Variants in ANAPC1 observed in about 807,000 individuals in gnomAD.
ANAPC1 encodes anaphase promoting complex subunit 1.
Under a neutral mutation model 208.0 loss-of-function variants are expected in ANAPC1, and 36 were observed. The observed-to-expected ratio is 0.17, with a 90% confidence interval of 0.13 to 0.23. The LOEUF is 0.23. ANAPC1 is among the 10% of genes least tolerant of loss of function. The probability of loss-of-function intolerance (pLI) is 1.00; values close to 1 mark genes in which losing one functional copy is unlikely to be tolerated. For synonymous variants in ANAPC1, 378 were observed against 695.2 expected, an observed-to-expected ratio of 0.54 and a Z score of 7.18; for missense variants, 942 against 2,011.6, an observed-to-expected ratio of 0.47 and a Z score of 10.17.
In ANAPC1 at chr2:111,794,850, C is replaced by T. The variant is rs56780932; in HGVS notation, c.4341G>A (p.Pro1447=). 305,491 of 1,516,528 alleles carry T rather than the reference C, an allele frequency of 0.2. 25,999 individuals are homozygous for T. The highest frequency in any genetic ancestry group is 0.26 in the Middle Eastern group (1,512 of 5,714). 93.9% of individuals were successfully genotyped at this position (1,516,528 alleles called of 1,614,324 possible). The change falls in exon 35 of 48, where the codon CCG becomes CCA. Residue 1447 remains proline, a synonymous_variant. Coordinates refer to ENST00000341068, the MANE Select transcript of ANAPC1 (RefSeq NM_022662.4). ...NSISLSEIEL[P]CSEDLNLETL... The stretch of plus-strand genomic sequence containing the variant: ...TTTCCAAATTCAAATCCTCTGAGCA[C>T]GGCAATTCGATTTCACTGAGAGAGA...
intron 38 of ANAPC1, among the ~76,000 whole-genome samples, chr2:111,791,480 T>C (rs1205986922): frequency 1.3e-5 from 2 of 151,636 alleles, no homozygotes; most frequent in Non-Finnish European, 2.9e-5. Flanking sequence ...AACAGCACTG[T>C]TCATAACAGC....
chr2:111,808,393 G>T (rs1001506709), intron 29 of ANAPC1, among the ~76,000 whole-genome samples: 1 of 152,088 alleles, frequency 6.6e-6, no homozygotes, highest in African/African-American at 2.4e-5. Flanking sequence ...TTTCCAAAAA[G>T]TTTGGACCCA....
At chr2:111,794,211 A>T in intron 36 of ANAPC1, 22 bp downstream of exon 36, 2 of 1,589,040 alleles carry the variant, frequency 1.3e-6, no homozygotes. Context: ...AAAAGAACAC[A>T]GTAAACTAAA....
chr2:111,833,726 C>CT (rs1349977097), intron 19 of ANAPC1, among the ~76,000 whole-genome samples: 1 of 113,858 alleles, frequency 8.8e-6, no homozygotes, highest in Non-Finnish European at 1.8e-5. Context: ...ATACACATTA[C>CT]TTTTTTCAGA....
At position 111,774,002 on chromosome 2, in the gene ANAPC1, A is replaced by G. The variant is rs1199582485; in HGVS notation, c.5585-1527T>C. Among the ~76,000 whole-genome samples, 44 of 151,340 alleles carry G rather than the reference A, an allele frequency of 2.9e-4. No homozygotes were observed. In the South Asian group the frequency reaches 8.9e-3, roughly 30 times the overall value. On this transcript the variant is annotated intron_variant, in intron 46 of 47. Coordinates refer to ENST00000341068, the MANE Select transcript of ANAPC1 (RefSeq NM_022662.4). Reference sequence around the variant, plus strand: ...AGATGGTTGGAATGGAGATGAGAAAAAGCAAGGAGGCTATTTAGGAGGCTA... The same window carrying G: ...AGATGGTTGGAATGGAGATGAGAAAGAGCAAGGAGGCTATTTAGGAGGCTA...
intron 9 of ANAPC1, among the ~76,000 whole-genome samples, chr2:111,863,151 C>T (rs1228544834): frequency 6.6e-6 from 1 of 152,048 alleles, no homozygotes; most frequent in Non-Finnish European, 1.5e-5. Flanking sequence ...TTAGGTCAAG[C>T]ATAGGCAGCT....
At chr2:111,795,348 C>G (rs1238390442) in intron 34 of ANAPC1, among the ~76,000 whole-genome samples, 1 of 149,730 alleles carries the variant, frequency 6.7e-6, no homozygotes, top group Non-Finnish European at 1.5e-5. Flanking sequence ...CGCCACTGCA[C>G]TCCAGCCTGG....
chr2:111,866,115 A>G, intron 7 of ANAPC1: 1 of 194,778 alleles, frequency 5.1e-6, no homozygotes, highest in Non-Finnish European at 1.1e-5. Context: ...GAGGGAGGAG[A>G]ATGATGTGAA....
chr2:111,778,278 TAG>T (rs1229257463), intron 45 of ANAPC1, among the ~76,000 whole-genome samples: 3 of 152,222 alleles, frequency 2.0e-5, no homozygotes, highest in Non-Finnish European at 4.4e-5. Context: ...CTTTATCACA[TAG>T]GTCTAATTTC....
chr2:111,773,577 C>T (rs1029122024), intron 46 of ANAPC1, among the ~76,000 whole-genome samples: 2 of 151,930 alleles, frequency 1.3e-5, no homozygotes, highest in Non-Finnish European at 1.5e-5. Context: ...AGAGCATGAG[C>T]GGGCAGGCTA....
intron 16 of ANAPC1, among the ~76,000 whole-genome samples, chr2:111,844,569 C>CA (rs11327163): frequency 0.018 from 2,358 of 127,638 alleles, 26 homozygotes; most frequent in Non-Finnish European, 0.029. Context: ...AACTCTGTCT[C>CA]AAAAAAAAAA....
intron 16 of ANAPC1, 132 bp from the exon 17 acceptor site, chr2:111,843,731 C>G (rs1030636673): frequency 1.5e-6 from 1 of 665,736 alleles, no homozygotes; most frequent in African/African-American, 1.8e-5. Context: ...CATTAAAGAG[C>G]CAATGAGATG....
At chr2:111,821,178 A>T in intron 26 of ANAPC1, 61 bp downstream of exon 26, 1 of 1,585,922 alleles carries the variant, frequency 6.3e-7, no homozygotes, top group Non-Finnish European at 8.6e-7. Context: ...AAACAAATAT[A>T]CACAAGACAC....
intron 13 of ANAPC1, among the ~76,000 whole-genome samples, chr2:111,854,865 G>A (rs190609031): frequency 0.02 from 3,103 of 152,206 alleles, 42 homozygotes; most frequent in South Asian, 0.035. Context: ...AGGCTGTTTC[G>A]CTTTATCAGT....
intron 28 of ANAPC1, among the ~76,000 whole-genome samples, chr2:111,815,079 T>C (rs1679164192): frequency 1.4e-5 from 2 of 146,082 alleles, no homozygotes; most frequent in Non-Finnish European, 3.0e-5. Flanking sequence ...GCAACCCACC[T>C]TCGGGTCCCC....
intron 47 of ANAPC1, 89 bp downstream of exon 47, chr2:111,772,252 T>A: frequency 3.2e-6 from 5 of 1,584,614 alleles, no homozygotes; most frequent in Non-Finnish European, 4.3e-6. Context: ...AAGAGGAAAG[T>A]CAAACTAGGG....
intron 47 of ANAPC1, among the ~76,000 whole-genome samples, chr2:111,770,201 TTA>T (rs3055943): frequency 0.4 from 32,550 of 81,088 alleles, 5,097 homozygotes; most frequent in Admixed American, 0.44. Context: ...TTGTTTAATT[TTA>T]TATATATATA....
intron 43 of ANAPC1, among the ~76,000 whole-genome samples, chr2:111,781,384 A>G (rs1486669682): frequency 2.0e-5 from 3 of 151,468 alleles, no homozygotes; most frequent in Non-Finnish European, 4.4e-5. Flanking sequence ...AGTATTTCAT[A>G]AACAACTTAC....
At chr2:111,775,849 G>T (rs1410580144) in intron 46 of ANAPC1, among the ~76,000 whole-genome samples, 6 of 152,256 alleles carry the variant, frequency 3.9e-5, no homozygotes, top group Non-Finnish European at 5.9e-5. Flanking sequence ...CCCCAAAAAT[G>T]AGGATAAAAA....
Sources: allele counts gnomAD v4.1 joint callset (sites outside exome capture counted in the v4.1 genomes callset), GRCh38; gene constraint gnomAD v4.1.1; transcripts MANE v1.5; gene names NCBI Gene and HGNC (gene_info 2026-07-23, HGNC 2026-07-21).